The following TF variants were observed in gnomAD, a reference collection of about 807,000 sequenced individuals.
TF encodes the protein serotransferrin.
TF carries 55 observed loss-of-function variants against 82.4 expected under a neutral mutation model. The observed-to-expected ratio is 0.67, with a 90% CI of 0.54 to 0.84. The LOEUF (loss-of-function observed/expected upper bound fraction) is 0.84, where lower values mean the gene tolerates loss of function less well. Ranked by LOEUF, TF falls within the 40% of genes least tolerant of loss-of-function variation. TF has a pLI of 0.00. For synonymous variants in TF, 332 were observed against 332.6 expected (o/e 1.00, Z 0.02); for missense variants, 737 against 868.4 (o/e 0.85, Z 1.90).
At chr3:133,733,074 T>C in the TF span, among the ~76,000 whole-genome samples, 3 of 152,350 alleles carry the variant, frequency 2.0e-5, no homozygotes, top group South Asian at 6.2e-4. Context: ...CCTTGCAGTG[T>C]GAAGATTATT....
At chr3:133,755,551 G>T in intron 5 of TF, 56 bp downstream of exon 5, 2 of 1,610,514 alleles carry the variant, frequency 1.2e-6, no homozygotes, top group Non-Finnish European at 1.7e-6. Flanking sequence ...TCCTCAGGGT[G>T]AGAGTTCTTT....
chr3:133,716,632 A>C, the TF span, among the ~76,000 whole-genome samples: 1,517 of 152,258 alleles, frequency 1.0e-2, 14 homozygotes, highest in Middle Eastern at 0.037. Context: ...GTCTCCATGC[A>C]TCTGTCTTGT....
the TF span, among the ~76,000 whole-genome samples, chr3:133,674,349 C>T: frequency 6.6e-6 from 1 of 152,196 alleles, no homozygotes; most frequent in African/African-American, 2.4e-5. Context: ...GGGTGCTGCC[C>T]CCTTCCCCGA....
Position 133,778,673 on chromosome 3 carries a change from A to T in TF, c.*53A>T. ...GTGAAGATGGGAACGCAGATGATCC[A>T]TGAGTTTGCCCTGGTTTCACTGGCC... On this transcript the variant is annotated 3_prime_UTR_variant, in exon 17 of 17. Transcript: ENST00000402696. 1 of 1,603,972 alleles carries T rather than the reference A, an allele frequency of 6.2e-7. No individual in the cohort carries two copies. Among genetic ancestry groups the T allele is most frequent in the East Asian group, 2.2e-5 (1 of 44,618 alleles).
Position 133,746,415 on chromosome 3 carries a change from T to C in TF, c.-26T>C. The C allele has an allele frequency of 1.3e-6, 2 of 1,591,532 alleles. No homozygotes were observed. Among genetic ancestry groups the C allele is most frequent in the East Asian group, 2.3e-5 (1 of 43,538 alleles). ...TGCACAGAAGCGAGTCCGACTGTGC[T>C]CGCTGCTCAGCGCCGCACCCGGAAG... On this transcript the variant is annotated 5_prime_UTR_variant, in exon 1 of 17. Transcript: ENST00000402696.
intron 2 of TF, among the ~76,000 whole-genome samples, chr3:133,751,380 G>A (rs1329637790): frequency 3.3e-5 from 5 of 151,712 alleles, no homozygotes; most frequent in African/African-American, 4.8e-5. Flanking sequence ...CTACAGGCGC[G>A]CGCCACCATG....
chr3:133,702,476 A>G, the TF span, among the ~76,000 whole-genome samples: 2 of 151,962 alleles, frequency 1.3e-5, no homozygotes, highest in Admixed American at 1.3e-4. Context: ...ATAAATAAAA[A>G]TAGGGCTGCA....
chr3:133,747,909 C>A (rs1349932429), intron 1 of TF, among the ~76,000 whole-genome samples: 2 of 150,884 alleles, frequency 1.3e-5, no homozygotes, highest in Non-Finnish European at 2.9e-5. Flanking sequence ...GCTTGGCCAA[C>A]GACAAGCAGG....
the TF span, among the ~76,000 whole-genome samples, chr3:133,720,605 C>T: frequency 0.014 from 2,087 of 152,048 alleles, 42 homozygotes; most frequent in African/African-American, 0.046. Context: ...TAATTCTGGC[C>T]ATATAAAATG....
chr3:133,719,379 G>C, the TF span, among the ~76,000 whole-genome samples: 1 of 152,128 alleles, frequency 6.6e-6, no homozygotes, highest in Non-Finnish European at 1.5e-5. Flanking sequence ...TAAGTAAGCA[G>C]TTTTCTTTGT....
At chr3:133,673,108 AG>A in the TF span, among the ~76,000 whole-genome samples, 4 of 152,246 alleles carry the variant, frequency 2.6e-5, no homozygotes, top group Admixed American at 1.3e-4. Flanking sequence ...TAACTATTAA[AG>A]CTGAACGTAC....
At chr3:133,776,010 C>G (rs1315258383) in intron 15 of TF, among the ~76,000 whole-genome samples, 6 of 152,130 alleles carry the variant, frequency 3.9e-5, no homozygotes. Context: ...GGAACTAGAC[C>G]TCTCAGGCCC....
chr3:133,764,949 C>T, intron 11 of TF, 42 bp downstream of exon 11: 3 of 1,606,154 alleles, frequency 1.9e-6, no homozygotes, highest in Non-Finnish European at 2.6e-6. Flanking sequence ...AAGATAAATT[C>T]CCATTGTTTT....
chr3:133,675,902 G>A, the TF span, among the ~76,000 whole-genome samples: 1 of 152,290 alleles, frequency 6.6e-6, no homozygotes, highest in South Asian at 2.1e-4. Flanking sequence ...TTTAGCCCGT[G>A]ACAGAATAAG....
At chr3:133,703,631 T>A in the TF span, among the ~76,000 whole-genome samples, 1 of 152,220 alleles carries the variant, frequency 6.6e-6, no homozygotes, top group East Asian at 1.9e-4. Context: ...AGAAGGGTAG[T>A]GAAAAGGTCA....
At chr3:133,741,912 T>C (rs1933401599), upstream of TF, among the ~76,000 whole-genome samples, 2 of 152,264 alleles carry the variant, frequency 1.3e-5, no homozygotes, top group African/African-American at 2.4e-5. Flanking sequence ...TTTCTAAGTA[T>C]ACATACTGTC....
chr3:133,757,836 TG>T lies in TF; in HGVS notation c.939del (p.Phe314LeufsTer9). ...LFSSPHGKDL[L>X]FKDSAHGFLK... ...AGCTCTCCTCATGGGAAGGACCTGCTGTTTAAGGACTCTGCCCACGGGTTTT... is the reference window on the plus strand; with the variant it reads ...AGCTCTCCTCATGGGAAGGACCTGCTTTTAAGGACTCTGCCCACGGGTTTT... On this transcript the variant is annotated frameshift_variant, in exon 8 of 17. Coordinates refer to ENST00000402696, the MANE Select transcript of TF (RefSeq NM_001063.4). LOFTEE classifies it high-confidence loss of function. 6.2e-7 allele frequency: 1 copy of T among 1,614,220 alleles called. No homozygotes were observed. The highest frequency in any genetic ancestry group is 8.5e-7 in the Non-Finnish European group (1 of 1,180,020).
At chr3:133,778,290 G>A in intron 16 of TF, 1 of 357,462 alleles carries the variant, frequency 2.8e-6, no homozygotes, top group South Asian at 2.4e-5. Context: ...GTCTTCCTGG[G>A]CGACTCCTGG....
rs772855008 is a variant in TF at position 133,764,288 on chromosome 3, G to A, written c.1297+13G>A. The A allele has an allele frequency of 2.5e-6, 4 of 1,604,566 alleles. No homozygotes were observed. The South Asian group carries it at 3.3e-5, about 13-fold the overall frequency. ...GAAAACTACAATAGTAAGTGGTGGG[G>A]AGCACCTCTCTGTGTTTTCTTCCCT... is the stretch of plus-strand genomic sequence containing the variant. On this transcript the variant is annotated intron_variant, in intron 10 of 16. Coordinates refer to ENST00000402696, the MANE Select transcript of TF (RefSeq NM_001063.4).
Sources: gnomAD v4.1 joint callset for allele counts (sites outside exome capture counted in the v4.1 genomes callset) on GRCh38, gnomAD v4.1.1 for gene constraint, MANE v1.5 for transcripts, NCBI Gene and HGNC (gene_info 2026-07-23, HGNC 2026-07-21) for gene names.